The following ANKLE2 variants were observed in gnomAD, a reference collection of about 807,000 sequenced individuals.
The protein encoded by ANKLE2 is ankyrin repeat and LEM domain containing 2.
ANKLE2 carries 55 observed loss-of-function variants against 84.2 expected under a neutral mutation model. That is an observed-to-expected ratio of 0.65 (90% CI 0.53 to 0.82). The LOEUF is 0.82. ANKLE2 is among the 40% of genes least tolerant of loss of function. The pLI is 0.00. For missense variants in ANKLE2, 1,238 were observed against 1,201.9 expected, an observed-to-expected ratio of 1.03 and a Z score of -0.44; for synonymous variants, 551 against 486.1, an observed-to-expected ratio of 1.13 and a Z score of -1.76.
intron 6 of ANKLE2, chr12:132,741,845 G>A (rs2044130161): frequency 2.1e-6 from 1 of 469,536 alleles, no homozygotes; most frequent in Non-Finnish European, 4.2e-6. Flanking sequence ...CAGGAAGCCT[G>A]GTCATACACA....
At chr12:132,733,287 T>G (rs1292952874) in intron 10 of ANKLE2, among the ~76,000 whole-genome samples, 3 of 112,242 alleles carry the variant, frequency 2.7e-5, no homozygotes, top group African/African-American at 1.1e-4. Flanking sequence ...CGTGTGAAGC[T>G]CTCTGCGTCC....
chr12:132,748,114 C>T lies in ANKLE2; in HGVS notation c.1041+24G>A, dbSNP rs550804168. ...TGGAACGGCCGGGACCGCACACCTG[C>T]CCGAGGGAACCGCCGAGACCTACCT... On this transcript the variant is annotated intron_variant, in intron 4 of 12. Transcript: ENST00000357997. 9 of 1,609,252 alleles carry T rather than the reference C, an allele frequency of 5.6e-6. No individual in the cohort carries two copies. The South Asian group carries it at 8.8e-5, about 16-fold the overall frequency.
chr12:132,731,524 TCACACACA>T (rs143631173), intron 10 of ANKLE2: 1 of 144,712 alleles, frequency 6.9e-6, no homozygotes, highest in African/African-American at 2.6e-5. Flanking sequence ...AGACACACAC[TCACACACA>T]CACACACACA....
At chr12:132,761,285 C>A in intron 1 of ANKLE2, 1 of 219,040 alleles carries the variant, frequency 4.6e-6, no homozygotes, top group Non-Finnish European at 8.9e-6. Flanking sequence ...TCCTTTGGGC[C>A]ATCCCTCCCC....
At chr12:132,735,354 A>G in intron 9 of ANKLE2, 52 bp downstream of exon 9, 1 of 1,526,494 alleles carries the variant, frequency 6.6e-7, no homozygotes, top group Non-Finnish European at 9.1e-7. Context: ...GTCATTAATC[A>G]AAATGCAACC....
Position 132,747,946 on chromosome 12 carries a change from G to T in ANKLE2, c.1116C>A (p.Asp372Glu). 6.2e-7 allele frequency: 1 copy of T among 1,600,536 alleles called. No homozygotes were observed. The highest frequency in any genetic ancestry group is 1.1e-5 in the South Asian group (1 of 89,126). ...NQASICQLTL[D>E]VLENPDFMRL... ...TCATGAAGTCAGGGTTCTCCAGGAC[G>T]TCCAGAGTCAGCTGGCAGATGGAAG... Residue 372 changes from aspartate (D) to glutamate (E), a missense_variant, in exon 5 of 13, where the codon GAC (aspartate) becomes GAA (glutamate). By Grantham distance (45) the Asp-to-Glu change is conservative (BLOSUM62 2). Around this residue, in one of 3 missense-constraint regions of ANKLE2, gnomAD observed 802 missense variants for 774.5 expected, o/e 1.04. Coordinates refer to ENST00000357997, the MANE Select transcript of ANKLE2 (RefSeq NM_015114.3).
At chr12:132,759,132 CCGGGGCACCCACG>C in intron 1 of ANKLE2, 2 of 71,382 alleles carry the variant, frequency 2.8e-5, no homozygotes, top group Admixed American at 1.6e-4. Flanking sequence ...GAGTGGCACC[CCGGGGCACCCACG>C]TGGCAGAGAG....
chr12:132,748,074 G>A (rs1334296986), intron 4 of ANKLE2, 54 bp from the exon 5 acceptor site: 14 of 1,604,824 alleles, frequency 8.7e-6, no homozygotes, highest in Non-Finnish European at 8.5e-6. Context: ...GACACGCCCT[G>A]TGCGAGTGCT....
Position 132,760,273 on chromosome 12 carries a change from C to T in ANKLE2, c.181+1345G>A, listed in dbSNP as rs2044597932. On this transcript the variant is annotated intron_variant, in intron 1 of 12. Transcript: ENST00000357997. ...TTTAGAGTAAAAACAAACTCAGTTT[C>T]TCCCACTAGTCTTGCAACATGCTTC... is the stretch of plus-strand genomic sequence containing the variant. The T allele has an allele frequency of 2.0e-5, 3 of 152,158 alleles. No homozygotes were observed. The South Asian group carries it at 6.2e-4, about 32-fold the overall frequency. 9.4% of individuals were successfully genotyped at this position (152,158 alleles called of 1,614,324 possible).
intron 7 of ANKLE2, among the ~76,000 whole-genome samples, chr12:132,740,195 C>T (rs1412789688): frequency 6.6e-6 from 1 of 152,220 alleles, no homozygotes; most frequent in South Asian, 2.1e-4. Context: ...GACGCCTCAA[C>T]GGCCCTGAGG....
chr12:132,739,337 T>G lies in ANKLE2; in HGVS notation c.1420+2082A>C, dbSNP rs1403422102. ...AATTTCCATTCAAGAGTACTAATTT[T>G]CCATACTGAAAATTAGGGCAATTCA... On this transcript the variant is annotated intron_variant, in intron 7 of 12. Coordinates refer to ENST00000357997, the MANE Select transcript of ANKLE2 (RefSeq NM_015114.3). Among the ~76,000 whole-genome samples the G allele has an allele frequency of 6.6e-5, 10 of 152,292 alleles. No homozygotes were observed. The South Asian group carries it at 2.1e-3, about 32-fold the overall frequency.
Position 132,761,768 on chromosome 12 carries a change from A to T in ANKLE2, c.31T>A (p.Trp11Arg). Residue 11 changes from tryptophan (W) to arginine (R), a missense_variant, in exon 1 of 13, where the codon TGG becomes AGG. By Grantham distance (101) the Trp-to-Arg change is moderately radical. This residue lies in a region of ANKLE2 where 422 missense variants were observed against 394.5 expected (regional missense o/e 1.07). Transcript: ENST00000357997. MLWPRLAAAE[W>R]AALAWELLGA... ...AGCAGCTCCCAGGCCAGCGCCGCCC[A>T]CTCGGCCGCCGCCAGCCGCGGCCAC... The T allele has an allele frequency of 8.5e-7, 1 of 1,180,454 alleles. No homozygotes were observed. Among genetic ancestry groups the T allele is most frequent in the East Asian group, 3.9e-5 (1 of 25,920 alleles). The allele number at this position is 1,180,454 out of a possible 1,614,324, so 73.1% of individuals were successfully genotyped here.
intron 3 of ANKLE2, 42 bp downstream of exon 3, chr12:132,750,601 A>G: frequency 6.2e-7 from 1 of 1,604,730 alleles, no homozygotes; most frequent in Non-Finnish European, 8.5e-7. Context: ...GGTGGGATCA[A>G]TGTGACAGGA....
At chr12:132,730,685 C>T (rs538988787) in intron 10 of ANKLE2, 8 of 180,526 alleles carry the variant, frequency 4.4e-5, no homozygotes, top group South Asian at 1.6e-4. Flanking sequence ...CATGGTGGCA[C>T]GCACCTGTAG....
chr12:132,736,950 G>T lies in ANKLE2; in HGVS notation c.1536C>A (p.Ser512Arg), dbSNP rs1158360789. The T allele has an allele frequency of 1.9e-6, 3 of 1,613,756 alleles. No homozygotes were observed. Among genetic ancestry groups the T allele is most frequent in the Non-Finnish European group, 2.5e-6 (3 of 1,179,842 alleles). The change falls in exon 8 of 13, where the codon AGC becomes AGA. Residue 512 changes from serine to arginine, a missense_variant. Physicochemically the swap from Ser to Arg is moderately radical, Grantham distance 110. Coordinates refer to ENST00000357997, the MANE Select transcript of ANKLE2 (RefSeq NM_015114.3). Reference protein sequence around the residue: ...EASHVSRYGGSPRDPVLTLRA... With the variant: ...EASHVSRYGGRPRDPVLTLRA... ...TCAGGGTCAGTACCGGGTCTCTGGG[G>T]CTGCCTCCATAGCGGCTGACGTGAG...
chr12:132,730,141 C>A lies in ANKLE2; in HGVS notation c.2021G>T (p.Cys674Phe). The part of the protein sequence containing the change: ...PTVGAFGHTR[C>F]SAFPLEQEAD... ...CTCCTGCTCCAAGGGGAAGGCGCTG[C>A]ACCTCGTATGTCCAAAAGCACCGAC... Residue 674 changes from cysteine to phenylalanine, a missense_variant, in exon 11 of 13, where the codon TGC becomes TTC. Physicochemically the swap from Cys to Phe is radical, Grantham distance 205. This residue lies in a region of ANKLE2 where 802 missense variants were observed against 774.5 expected (regional missense o/e 1.04). Coordinates refer to ENST00000357997, the MANE Select transcript of ANKLE2 (RefSeq NM_015114.3). 1 of 1,612,428 alleles carries A rather than the reference C, an allele frequency of 6.2e-7. No individual in the cohort carries two copies. Among genetic ancestry groups the A allele is most frequent in the Non-Finnish European group, 8.5e-7 (1 of 1,179,654 alleles).
Position 132,743,420 on chromosome 12 carries a change from A to T in ANKLE2, c.1231-144T>A. 9.2e-7 allele frequency: 1 copy of T among 1,086,700 alleles called. No homozygotes were observed. The highest frequency in any genetic ancestry group is 1.2e-6 in the Non-Finnish European group (1 of 812,254). The allele number at this position is 1,086,700 out of a possible 1,614,324, so 67.3% of individuals were successfully genotyped here. Reference sequence around the variant, plus strand: ...ACTGGCGTGATCTTGGCTCACTGCAACCTCTGCCTCCCGGGTTTAACCGAT... The same window carrying T: ...ACTGGCGTGATCTTGGCTCACTGCATCCTCTGCCTCCCGGGTTTAACCGAT... On this transcript the variant is annotated intron_variant, in intron 5 of 12. Transcript: ENST00000357997. This position sits in a 1 kb window ranked among gnomAD's most constrained non-coding sequence, Gnocchi z 4.1.
At chr12:132,751,606 G>T (rs931352598) in intron 2 of ANKLE2, among the ~76,000 whole-genome samples, 9 of 149,456 alleles carry the variant, frequency 6.0e-5, no homozygotes, top group Non-Finnish European at 1.3e-4. Context: ...GCAGTGGTGT[G>T]ATCTTGGCTC....
At position 132,730,214 on chromosome 12, in the gene ANKLE2, C is replaced by T. The variant is rs200712215; in HGVS notation, c.1948G>A (p.Glu650Lys). The T allele has an allele frequency of 1.2e-5, 19 of 1,593,264 alleles. No individual in the cohort carries two copies. Among genetic ancestry groups the T allele is most frequent in the Non-Finnish European group, 1.6e-5 (19 of 1,168,956 alleles). The change falls in exon 11 of 13, where the codon GAA (glutamate) becomes AAA (lysine). Residue 650 changes from glutamate (E) to lysine (K), a missense_variant. This residue lies in a region of ANKLE2 where 802 missense variants were observed against 774.5 expected (regional missense o/e 1.04). Coordinates refer to ENST00000357997, the MANE Select transcript of ANKLE2 (RefSeq NM_015114.3). ...FLDEDDMSLEEIKNRQNAARN... is the reference protein window; with the variant it reads ...FLDEDDMSLEKIKNRQNAARN... ...GCTGCATTTTGCCGATTTTTTATTTCTTCCAAGCTCATGTCATCTTCATCT... is the reference window on the plus strand; with the variant it reads ...GCTGCATTTTGCCGATTTTTTATTTTTTCCAAGCTCATGTCATCTTCATCT...
Sources: allele counts gnomAD v4.1 joint callset (sites outside exome capture counted in the v4.1 genomes callset), GRCh38; gene constraint gnomAD v4.1.1; regional missense constraint gnomAD v4.1.1; non-coding constraint Gnocchi (gnomAD v3.1); transcripts MANE v1.5; gene names NCBI Gene and HGNC (gene_info 2026-07-23, HGNC 2026-07-21).